The following CDC42BPG variants were observed in gnomAD, a reference collection of about 807,000 sequenced individuals.
The protein encoded by CDC42BPG is serine/threonine-protein kinase MRCK gamma.
In CDC42BPG, 157 loss-of-function variants were observed where a neutral mutation model predicts 192.2. That is an observed-to-expected ratio of 0.82 (90% CI 0.72 to 0.93). CDC42BPG has a LOEUF of 0.93. CDC42BPG is among the 40% of genes least tolerant of loss of function. CDC42BPG has a pLI of 0.00. For missense variants in CDC42BPG, 1,992 were observed against 2,122.1 expected (o/e 0.94, Z 1.20); for synonymous variants, 981 against 918.5 (o/e 1.07, Z -1.23).
chr11:64,843,615 C>T (rs1258278678), intron 1 of CDC42BPG, among the ~76,000 whole-genome samples: 2 of 152,194 alleles, frequency 1.3e-5, no homozygotes, highest in Admixed American at 6.5e-5. Context: ...CCCCATGGCC[C>T]GGCAGGGTGT....
Position 64,826,667 on chromosome 11 carries a change from T to A in CDC42BPG, c.4513+4A>T, listed in dbSNP as rs367859198. On this transcript the variant is annotated splice_donor_region_variant and intron_variant, in intron 35 of 36. Coordinates refer to ENST00000342711, the MANE Select transcript of CDC42BPG (RefSeq NM_017525.3). ...CACACTGGAGGCTGAGGGGCTGCCC[T>A]TACTGGGGTCTGCGTCTCCACCGAG... is the stretch of plus-strand genomic sequence containing the variant. 1 of 1,575,572 alleles carries A rather than the reference T, an allele frequency of 6.3e-7. No individual in the cohort carries two copies. The highest frequency in any genetic ancestry group is 8.6e-7 in the Non-Finnish European group (1 of 1,160,582).
Position 64,830,241 on chromosome 11 carries a change from G to GC in CDC42BPG, c.3319dup (p.Ala1107GlyfsTer115). ...AAAGAGCCCCTCCTCGGTGCCAAGC[G>GC]CAAGTCGATCCTGGTCTGGTAGAGG... is the stretch of plus-strand genomic sequence containing the variant. On this transcript the variant is annotated frameshift_variant, in exon 29 of 37. Transcript: ENST00000342711. LOFTEE classifies it high-confidence loss of function. 1 of 1,610,014 alleles carries GC rather than the reference G, an allele frequency of 6.2e-7. No individual in the cohort carries two copies. Among genetic ancestry groups the GC allele is most frequent in the Non-Finnish European group, 8.5e-7 (1 of 1,178,150 alleles).
intron 9 of CDC42BPG, among the ~76,000 whole-genome samples, chr11:64,837,829 C>T (rs553943772): frequency 8.5e-5 from 13 of 152,336 alleles, no homozygotes; most frequent in African/African-American, 3.1e-4. Flanking sequence ...AACCCTGCAC[C>T]TCTGGCTCTA....
intron 23 of CDC42BPG, 130 bp from the exon 24 acceptor site, chr11:64,833,466 G>A: frequency 1.0e-6 from 1 of 1,002,810 alleles, no homozygotes; most frequent in Non-Finnish European, 1.5e-6. Context: ...ATGGCGGCAG[G>A]CAAGCTCATC....
chr11:64,833,084 C>A (rs998679480), intron 24 of CDC42BPG, 125 bp from the exon 25 acceptor site: 34 of 1,321,938 alleles, frequency 2.6e-5, no homozygotes, highest in Non-Finnish European at 3.2e-5. Context: ...TCCCCAATTC[C>A]TCATCAAGTG....
chr11:64,830,222 C>A lies in CDC42BPG; in HGVS notation c.3339G>T (p.Gly1113=). 1 of 1,613,078 alleles carries A rather than the reference C, an allele frequency of 6.2e-7. No homozygotes were observed. The change falls in exon 29 of 37, where the codon GGG becomes GGT. Residue 1113 remains glycine (G), a synonymous_variant. Transcript: ENST00000342711. The part of the protein sequence containing the change: ...QDRLALGTEE[G]LFVIHLRSND... Reference sequence around the variant, plus strand: ...TGCTGCGCAGATGGATGACAAAGAGCCCCTCCTCGGTGCCAAGCGCAAGTC... The same window carrying A: ...TGCTGCGCAGATGGATGACAAAGAGACCCTCCTCGGTGCCAAGCGCAAGTC...
chr11:64,824,628 C>A, intron 36 of CDC42BPG, 99 bp from the exon 37 acceptor site: 1 of 761,196 alleles, frequency 1.3e-6, no homozygotes, highest in Non-Finnish European at 2.2e-6. Context: ...ACCCATCACC[C>A]ACTGTATCAG....
In CDC42BPG at chr11:64,840,582, G is replaced by A; in HGVS notation, c.403C>T (p.His135Tyr). The change falls in exon 4 of 37, where the codon CAC becomes TAC. Residue 135 changes from histidine to tyrosine, a missense_variant. Physicochemically the swap from His to Tyr is moderately conservative, Grantham distance 83. Coordinates refer to ENST00000342711, the MANE Select transcript of CDC42BPG (RefSeq NM_017525.3). Reference sequence around the variant, plus strand: ...TACTCCTCGTCTTGGAAGGCATAGTGCAGAGTGGTCACCCAACGGCTGTCC... The same window carrying A: ...TACTCCTCGTCTTGGAAGGCATAGTACAGAGTGGTCACCCAACGGCTGTCC... ...KGDSRWVTTLHYAFQDEEYLY... is the reference protein window; with the variant it reads ...KGDSRWVTTLYYAFQDEEYLY... The A allele has an allele frequency of 2.5e-6, 4 of 1,614,000 alleles. No homozygotes were observed. Among genetic ancestry groups the A allele is most frequent in the Non-Finnish European group, 3.4e-6 (4 of 1,180,020 alleles).
At chr11:64,838,277 G>C (rs866773344) in intron 8 of CDC42BPG, 115 bp from the exon 9 acceptor site, 21 of 756,720 alleles carry the variant, frequency 2.8e-5, no homozygotes, top group Middle Eastern at 3.9e-4. Flanking sequence ...GGAACTCAGG[G>C]GGGTAACACA....
chr11:64,836,720 G>GGGGGGGGGGGGGA lies in CDC42BPG; in HGVS notation c.1384+18_1384+19insTCCCCCCCCCCCC. The GGGGGGGGGGGGGA allele has an allele frequency of 1.2e-6, 1 of 843,824 alleles. No individual in the cohort carries two copies. The highest frequency in any genetic ancestry group is 1.7e-6 in the Non-Finnish European group (1 of 584,548). The allele number at this position is 843,824 out of a possible 1,614,324, so 52.3% of individuals were successfully genotyped here. A position where few individuals can be genotyped will look rare whatever the true frequency, so the allele number is the denominator to read the frequency against. ...GGACTCAGCCCTGGGGGGGGGGGGG[G>GGGGGGGGGGGGGA]GGTGGGCGGAAGGGATACCTGGCAG... is the stretch of plus-strand genomic sequence containing the variant. On this transcript the variant is annotated intron_variant, in intron 11 of 36. Transcript: ENST00000342711.
intron 11 of CDC42BPG, 37 bp from the exon 12 acceptor site, chr11:64,836,567 G>A (rs747178484): frequency 3.2e-6 from 5 of 1,574,134 alleles, no homozygotes; most frequent in Non-Finnish European, 4.4e-6. Context: ...GAGTGCTGGC[G>A]GCCCCAGCCT....
At position 64,844,641 on chromosome 11, in the gene CDC42BPG, C is replaced by A. The variant is rs914070330; in HGVS notation, c.-72G>T. 10 of 1,170,116 alleles carry A rather than the reference C, an allele frequency of 8.5e-6. No homozygotes were observed. In the African/African-American group the frequency reaches 1.4e-4, roughly 17 times the overall value. The allele number at this position is 1,170,116 out of a possible 1,614,324, so 72.5% of individuals were successfully genotyped here. ...ATGCCCGCCTGTCGGGCCGTCCGTC[C>A]GCCCAACCGTCTGAGGCTCTGTCCG... On this transcript the variant is annotated 5_prime_UTR_variant, in exon 1 of 37. Transcript: ENST00000342711.
rs1942972672 is a variant in CDC42BPG, at chr11:64,836,118, T to A, written c.1667A>T (p.Glu556Val). ...QLEEARAAQR[E>V]LEAQVSSLSR... The stretch of plus-strand genomic sequence containing the variant: ...TCCCTACCCACCCTGGTCACTCACC[T>A]CCCTCTGGGCAGCCCGGGCTTCCTC... Residue 556 changes from glutamate to valine, a missense_variant and splice_region_variant, in exon 13 of 37, where the codon GAG becomes GTG. By Grantham distance (121) the Glu-to-Val change is moderately radical. Coordinates refer to ENST00000342711, the MANE Select transcript of CDC42BPG (RefSeq NM_017525.3). 1 of 1,597,442 alleles carries A rather than the reference T, an allele frequency of 6.3e-7. No individual in the cohort carries two copies. The highest frequency in any genetic ancestry group is 8.5e-7 in the Non-Finnish European group (1 of 1,173,936).
chr11:64,836,064 G>A, intron 13 of CDC42BPG, 53 bp downstream of exon 13: 1 of 1,526,428 alleles, frequency 6.6e-7, no homozygotes. Context: ...GCTCCCTCCA[G>A]GCACACTGGG....
At chr11:64,838,197 C>CAGGCCA (rs1943108890) in intron 8 of CDC42BPG, 35 bp from the exon 9 acceptor site, 3 of 1,525,078 alleles carry the variant, frequency 2.0e-6, no homozygotes, top group South Asian at 1.2e-5. Flanking sequence ...TCAGAGTCCA[C>CAGGCCA]AGGCCAAGGC....
In CDC42BPG at chr11:64,827,338, G is replaced by A; in HGVS notation, c.4211C>T (p.Thr1404Ile). 2 of 1,614,136 alleles carry A rather than the reference G, an allele frequency of 1.2e-6. No homozygotes were observed. Among genetic ancestry groups the A allele is most frequent in the South Asian group, 1.1e-5 (1 of 91,080 alleles). ...GAAAAAGAAGCGGCGCTTGCTCTTG[G>A]TGCGGAACAGCTGGCGCCGGCTGTT... ...TDNSRRQLFR[T>I]KSKRRFFFRV... Residue 1404 changes from threonine (T) to isoleucine (I), a missense_variant, in exon 33 of 37, where the codon ACC becomes ATC. Thr to Ile is a moderately conservative substitution (Grantham distance 89, BLOSUM62 -1). Coordinates refer to ENST00000342711, the MANE Select transcript of CDC42BPG (RefSeq NM_017525.3).
At position 64,826,490 on chromosome 11, in the gene CDC42BPG, G is replaced by A; in HGVS notation, c.4579C>T (p.Pro1527Ser). 2 of 1,601,684 alleles carry A rather than the reference G, an allele frequency of 1.2e-6. No individual in the cohort carries two copies. The highest frequency in any genetic ancestry group is 2.2e-5 in the East Asian group (1 of 44,554). The change falls in exon 36 of 37, where the codon CCT becomes TCT. Residue 1527 changes from proline (P) to serine (S), a missense_variant. This residue lies in a region of CDC42BPG where 336 missense variants were observed against 277.9 expected (regional missense o/e 1.21). Coordinates refer to ENST00000342711, the MANE Select transcript of CDC42BPG (RefSeq NM_017525.3). ...CTCACCTGCATTAGGGAGGTTGCAG[G>A]GCTCAGCGATCCCTGGGGGCAGGAC... is the stretch of plus-strand genomic sequence containing the variant. ...SVSCPQGSLS[P>S]ATSLMQVSER...
chr11:64,832,348 G>A, intron 27 of CDC42BPG, 80 bp downstream of exon 27: 2 of 1,422,974 alleles, frequency 1.4e-6, no homozygotes, highest in Non-Finnish European at 2.0e-6. Flanking sequence ...AGGGCAGTAT[G>A]AAGTGGGGGG....
intron 23 of CDC42BPG, 59 bp from the exon 24 acceptor site, chr11:64,833,395 G>A: frequency 1.9e-6 from 2 of 1,059,730 alleles, no homozygotes; most frequent in Non-Finnish European, 2.7e-6. Flanking sequence ...CCATCCCTGA[G>A]GGGTCAGGAA....
Sources: allele counts gnomAD v4.1 joint callset (sites outside exome capture counted in the v4.1 genomes callset), GRCh38; gene constraint gnomAD v4.1.1; regional missense constraint gnomAD v4.1.1; transcripts MANE v1.5; gene names NCBI Gene and HGNC (gene_info 2026-07-23, HGNC 2026-07-21).